BEGAIN: variants seen among roughly 807,000 people sequenced by gnomAD.
The protein encoded by BEGAIN is brain enriched guanylate kinase associated, also known as brain-enriched guanylate kinase-associated protein.
A neutral mutation model predicts 35.8 loss-of-function variants in BEGAIN; 19 were observed. The ratio of observed to expected loss-of-function variants is 0.53; its 90% CI spans 0.37 to 0.78. BEGAIN has a LOEUF of 0.78. Among genes scored for constraint, BEGAIN ranks in the 30% least tolerant of loss-of-function variants. The probability of loss-of-function intolerance (pLI) is 0.00; values close to 1 mark genes in which losing one functional copy is unlikely to be tolerated. For synonymous variants in BEGAIN, 462 were observed against 388.6 expected (o/e 1.19, Z -2.22); for missense variants, 795 against 853.6 (o/e 0.93, Z 0.85).
intron 1 of BEGAIN, chr14:100,577,537 T>C (rs2035227563): frequency 1.0e-5 from 4 of 399,188 alleles, no homozygotes. Flanking sequence ...TGCAGAGGGC[T>C]CTGGGCTGCG....
At chr14:100,544,945 TC>T (rs948282522) in intron 4 of BEGAIN, 54 bp downstream of exon 4, 26 of 1,571,006 alleles carry the variant, frequency 1.7e-5, no homozygotes, top group Non-Finnish European at 1.9e-5. Flanking sequence ...GCTGGGTGGC[TC>T]CCCCCGGGAA....
In BEGAIN at chr14:100,580,749, A is replaced by T. The variant is rs541288875; in HGVS notation, c.42+6500T>A. On this transcript the variant is annotated intron_variant, in intron 1 of 6. Transcript: ENST00000554140. ...CCCCGTAGAATGTAACTTCCACTGT[A>T]TCCCAGCTCTTTGCATAGGGCCTGG... Among the ~76,000 whole-genome samples, 8 of 152,262 alleles carry T rather than the reference A, an allele frequency of 5.3e-5. No individual in the cohort carries two copies. In the East Asian group the frequency reaches 1.5e-3, roughly 29 times the overall value.
intron 2 of BEGAIN, among the ~76,000 whole-genome samples, chr14:100,564,411 T>C (rs1262942288): frequency 2.0e-5 from 3 of 150,984 alleles, no homozygotes; most frequent in Non-Finnish European, 4.4e-5. Flanking sequence ...GAAGCTCAAA[T>C]AGAAAAAGGG....
In BEGAIN at chr14:100,572,633, G is replaced by T. The variant is rs1043019722; in HGVS notation, c.43-4694C>A. On this transcript the variant is annotated intron_variant, in intron 1 of 6. Coordinates refer to ENST00000554140, the MANE Select transcript of BEGAIN (RefSeq NM_001385089.1). ...ATGTGGAGGGCAGAGATGAGCCCTG[G>T]GGGGTTGGGCCTTCTCCGCAGCTGT... 2.6e-5 allele frequency among the ~76,000 whole-genome samples: 4 copies of T among 152,292 alleles called. No individual in the cohort carries two copies. The East Asian group carries it at 7.7e-4, about 30-fold the overall frequency.
At chr14:100,557,090 C>T (rs936061598) in intron 2 of BEGAIN, among the ~76,000 whole-genome samples, 39 of 126,372 alleles carry the variant, frequency 3.1e-4, no homozygotes, top group Non-Finnish European at 5.1e-4. Flanking sequence ...CGAGTCAGGG[C>T]GGGCCAAAGC....
chr14:100,574,849 C>T (rs2035169008), intron 1 of BEGAIN, among the ~76,000 whole-genome samples: 2 of 152,186 alleles, frequency 1.3e-5, no homozygotes, highest in African/African-American at 4.8e-5. Flanking sequence ...TGGGGACTTG[C>T]ATTGGGGGTG....
At chr14:100,549,419 AC>A (rs2032944630) in intron 2 of BEGAIN, 1 of 151,982 alleles carries the variant, frequency 6.6e-6, no homozygotes, top group South Asian at 2.1e-4. Flanking sequence ...CACGTTCCCC[AC>A]CCGGGGGGTG....
In BEGAIN at chr14:100,538,707, G is replaced by C. The variant is rs1222715546; in HGVS notation, c.1101C>G (p.Arg367=). ...CCACCGCGGCCGTGGCCTTGGCAAA[G>C]CGAGGGCTGCCCTCGTAGGTGGTGG... is the stretch of plus-strand genomic sequence containing the variant. ...PPATTYEGSP[R]FAKATAAVAA... is the part of the protein sequence containing the mutation. Residue 367 remains arginine (R), a synonymous_variant, in exon 7 of 7, where the codon CGC becomes CGG. Coordinates refer to ENST00000554140, the MANE Select transcript of BEGAIN (RefSeq NM_001385089.1). 3 of 1,561,554 alleles carry C rather than the reference G, an allele frequency of 1.9e-6. No homozygotes were observed. The highest frequency in any genetic ancestry group is 1.7e-6 in the Non-Finnish European group (2 of 1,153,296).
intron 1 of BEGAIN, among the ~76,000 whole-genome samples, chr14:100,571,474 G>A (rs996828799): frequency 6.6e-6 from 1 of 152,224 alleles, no homozygotes; most frequent in African/African-American, 2.4e-5. Flanking sequence ...CTTGGGCCCG[G>A]TCACAGAAAT....
chr14:100,541,248 G>T (rs975916403), intron 5 of BEGAIN, among the ~76,000 whole-genome samples: 5 of 152,246 alleles, frequency 3.3e-5, no homozygotes, highest in Admixed American at 2.6e-4. Flanking sequence ...TGTGTTTGGG[G>T]CTTGCATTCC....
Position 100,567,982 on chromosome 14 carries a change from C to T in BEGAIN, c.43-43G>A, listed in dbSNP as rs994543964. 2.8e-5 allele frequency: 39 copies of T among 1,400,868 alleles called. No individual in the cohort carries two copies. In the African/African-American group the frequency reaches 4.0e-4, roughly 14 times the overall value. The allele number at this position is 1,400,868 out of a possible 1,614,324, so 86.8% of individuals were successfully genotyped here. A position where few individuals can be genotyped will look rare whatever the true frequency, so the allele number is the denominator to read the frequency against. ...AGAGGGTCAGCAGGCAGGAGGCGTG[C>T]GCTCCGCGGCCGCGCCGGGCAGAGC... On this transcript the variant is annotated intron_variant, in intron 1 of 6. Coordinates refer to ENST00000554140, the MANE Select transcript of BEGAIN (RefSeq NM_001385089.1). This position sits in a 1 kb window ranked among gnomAD's most constrained non-coding sequence, Gnocchi z 5.1.
intron 1 of BEGAIN, among the ~76,000 whole-genome samples, chr14:100,574,814 C>G (rs1368887173): frequency 2.0e-5 from 3 of 152,192 alleles, no homozygotes; most frequent in African/African-American, 7.2e-5. Context: ...CGGAAAGCCT[C>G]TCAGACAGGA....
Position 100,539,260 on chromosome 14 carries a change from C to A in BEGAIN, c.548G>T (p.Ser183Ile). 1 of 1,587,064 alleles carries A rather than the reference C, an allele frequency of 6.3e-7. No individual in the cohort carries two copies. The highest frequency in any genetic ancestry group is 8.6e-7 in the Non-Finnish European group (1 of 1,167,086). ...VSLHMEKHGC[S>I]LPSPLCHPAY... The stretch of plus-strand genomic sequence containing the variant: ...CGGGTGGCAGAGCGGGGATGGCAGG[C>A]TGCAGCCGTGCTTCTCCATGTGCAG... Residue 183 changes from serine to isoleucine, a missense_variant, in exon 7 of 7, where the codon AGC (serine) becomes ATC (isoleucine). Ser to Ile is a moderately radical substitution (Grantham distance 142, BLOSUM62 -2). Coordinates refer to ENST00000554140, the MANE Select transcript of BEGAIN (RefSeq NM_001385089.1).
rs1230934370 is a variant in BEGAIN, at chr14:100,546,778, G to GCACA, written c.72-117_72-116insTGTG. On this transcript the variant is annotated intron_variant, in intron 2 of 6. Transcript: ENST00000554140. Reference sequence around the variant, plus strand: ...CGCGAGTACCGGCGCGCGCGCGCGCGCGCACACACACACACACACACACAC... The same window carrying GCACA: ...CGCGAGTACCGGCGCGCGCGCGCGCGCACACGCACACACACACACACACACACAC... 1,040 of 542,040 alleles carry GCACA rather than the reference G, an allele frequency of 1.9e-3. 3 individuals are homozygous for GCACA. In the African/African-American group the frequency reaches 0.023, roughly 12 times the overall value. 33.6% of individuals were successfully genotyped at this position (542,040 alleles called of 1,614,324 possible). A position where few individuals can be genotyped will look rare whatever the true frequency, so the allele number is the denominator to read the frequency against.
Position 100,538,782 on chromosome 14 carries a change from C to T in BEGAIN, c.1026G>A (p.Gln342=), listed in dbSNP as rs1360524691. ...CGTCGCGGCTGTTCAGGTAGATGGC[C>T]TGCTGCGACGCGGTCAGCGTGCTGG... ...AQASTLTASQ[Q]AIYLNSRDEL... Residue 342 remains glutamine, a synonymous_variant, in exon 7 of 7, where the codon CAG becomes CAA. Coordinates refer to ENST00000554140, the MANE Select transcript of BEGAIN (RefSeq NM_001385089.1). The T allele has an allele frequency of 6.3e-7, 1 of 1,593,322 alleles. No homozygotes were observed. Among genetic ancestry groups the T allele is most frequent in the African/African-American group, 1.3e-5 (1 of 74,830 alleles).
Position 100,567,819 on chromosome 14 carries a change from G to T in BEGAIN, c.71+92C>A. The T allele has an allele frequency of 7.6e-7, 1 of 1,321,600 alleles. No individual in the cohort carries two copies. Among genetic ancestry groups the T allele is most frequent in the Non-Finnish European group, 1.0e-6 (1 of 999,168 alleles). The allele number at this position is 1,321,600 out of a possible 1,614,324, so 81.9% of individuals were successfully genotyped here. ...GCCGCCCGCGGGCCCTGGGGGATGC[G>T]CTCGGGTGGAGCCCCCTTCCCCCGC... On this transcript the variant is annotated intron_variant, in intron 2 of 6. Coordinates refer to ENST00000554140, the MANE Select transcript of BEGAIN (RefSeq NM_001385089.1). The surrounding 1 kb of genome is among the most constrained non-coding windows in gnomAD (Gnocchi z 5.1).
chr14:100,539,114 C>A lies in BEGAIN; in HGVS notation c.694G>T (p.Val232Leu). The A allele has an allele frequency of 6.2e-7, 1 of 1,607,990 alleles. No homozygotes were observed. Among genetic ancestry groups the A allele is most frequent in the Non-Finnish European group, 8.5e-7 (1 of 1,176,160 alleles). ...SARDLAFCDG[V>L]EKPGPRPPYK... ...GGGGGCCGCGGGCCTGGTTTCTCCA[C>A]CCCGTCGCAGAAGGCCAGGTCGCGG... The change falls in exon 7 of 7, where the codon GTG (valine) becomes TTG (leucine). Residue 232 changes from valine (V) to leucine (L), a missense_variant. This residue lies in a region of BEGAIN where 664 missense variants were observed against 647.7 expected (regional missense o/e 1.03). Coordinates refer to ENST00000554140, the MANE Select transcript of BEGAIN (RefSeq NM_001385089.1).
Position 100,537,923 on chromosome 14 carries a change from G to A in BEGAIN, c.*46C>T, listed in dbSNP as rs573397750. On this transcript the variant is annotated 3_prime_UTR_variant, in exon 7 of 7. Transcript: ENST00000554140. ...GGTGAGGCCGGCCCTTCTGGGGCACGTGGGCTGGCGGGGAGCGAACCACGG... is the reference window on the plus strand; with the variant it reads ...GGTGAGGCCGGCCCTTCTGGGGCACATGGGCTGGCGGGGAGCGAACCACGG... 2 of 1,556,700 alleles carry A rather than the reference G, an allele frequency of 1.3e-6. No homozygotes were observed. The highest frequency in any genetic ancestry group is 1.7e-6 in the Non-Finnish European group (2 of 1,153,028).
intron 1 of BEGAIN, among the ~76,000 whole-genome samples, chr14:100,576,138 C>T (rs2035196624): frequency 2.0e-5 from 3 of 152,156 alleles, no homozygotes; most frequent in African/African-American, 4.8e-5. Context: ...CCTCGAGATG[C>T]ACTTCCACCC....
Sources: gnomAD v4.1 joint callset for allele counts (sites outside exome capture counted in the v4.1 genomes callset) on GRCh38, gnomAD v4.1.1 for gene constraint, gnomAD v4.1.1 regional missense constraint, Gnocchi (gnomAD v3.1) non-coding constraint, MANE v1.5 for transcripts, NCBI Gene and HGNC (gene_info 2026-07-23, HGNC 2026-07-21) for gene names.